SEL1L: variants seen among roughly 807,000 people sequenced by gnomAD.
The protein encoded by SEL1L is protein sel-1 homolog 1.
SEL1L carries 52 observed loss-of-function variants against 109.8 expected under a neutral mutation model. The ratio of observed to expected loss-of-function variants is 0.47; its 90% CI spans 0.38 to 0.60. The LOEUF (loss-of-function observed/expected upper bound fraction) is 0.60, where lower values mean the gene tolerates loss of function less well. SEL1L is among the 20% of genes least tolerant of loss of function. SEL1L has a pLI of 0.00. For synonymous variants in SEL1L, 373 were observed against 339.6 expected, an observed-to-expected ratio of 1.10 and a Z score of -1.08; for missense variants, 749 against 962.2, an observed-to-expected ratio of 0.78 and a Z score of 2.93.
intron 10 of SEL1L, among the ~76,000 whole-genome samples, chr14:81,496,216 CG>C (rs936936007): frequency 6.7e-6 from 1 of 150,020 alleles, no homozygotes. Flanking sequence ...CCCAGCTACT[CG>C]GGAGGCTGAG....
At chr14:81,495,241 T>C (rs529457416) in intron 10 of SEL1L, 104 bp from the exon 11 acceptor site, 1 of 1,002,416 alleles carries the variant, frequency 1.0e-6, no homozygotes, top group African/African-American at 1.6e-5. Flanking sequence ...CTTCTGTTCA[T>C]GACTCAAAAA....
At chr14:81,510,405 T>C (rs566068140) in intron 3 of SEL1L, among the ~76,000 whole-genome samples, 1 of 151,372 alleles carries the variant, frequency 6.6e-6, no homozygotes, top group South Asian at 2.1e-4. Context: ...AGATAAGATA[T>C]TACAGTATGC....
intron 14 of SEL1L, 26 bp downstream of exon 14, chr14:81,489,224 AAG>A: frequency 1.9e-6 from 3 of 1,600,506 alleles, no homozygotes; most frequent in Non-Finnish European, 2.6e-6. Context: ...CTGCTCATTA[AAG>A]AGAGAATGTC....
chr14:81,476,796 T>C lies in SEL1L; in HGVS notation c.*176A>G. On this transcript the variant is annotated 3_prime_UTR_variant, in exon 21 of 21. Transcript: ENST00000336735. ...CATTCAGCTCAGTTTAGGTAAGAGT[T>C]ACTTATCCCTGAAAATAAAGGCATC... 4.9e-6 allele frequency: 3 copies of C among 614,294 alleles called. No homozygotes were observed. The South Asian group carries it at 6.6e-5, about 14-fold the overall frequency. 38.1% of individuals were successfully genotyped at this position (614,294 alleles called of 1,614,324 possible). A position where few individuals can be genotyped will look rare whatever the true frequency, so the allele number is the denominator to read the frequency against.
intron 3 of SEL1L, among the ~76,000 whole-genome samples, chr14:81,519,165 C>G (rs1884817502): frequency 6.6e-6 from 1 of 152,202 alleles, no homozygotes; most frequent in Non-Finnish European, 1.5e-5. Flanking sequence ...GAAAACATTT[C>G]ACATGTGTTA....
intron 3 of SEL1L, among the ~76,000 whole-genome samples, chr14:81,507,841 T>C (rs1595523102): frequency 6.6e-6 from 1 of 152,150 alleles, no homozygotes; most frequent in Non-Finnish European, 1.5e-5. Flanking sequence ...GAGAATTTAA[T>C]TGGGTAGCAG....
chr14:81,475,660 G>GT lies in SEL1L; in HGVS notation c.*1311dup, dbSNP rs1030547609. ...GACAATAAAATGAAATACAAATTCAGTTTAAGCTTTAATTATTTCACGTGT... is the reference window on the plus strand; with the variant it reads ...GACAATAAAATGAAATACAAATTCAGTTTTAAGCTTTAATTATTTCACGTGT... On this transcript the variant is annotated 3_prime_UTR_variant, in exon 21 of 21. Transcript: ENST00000336735. 3 of 152,130 alleles carry GT rather than the reference G, an allele frequency of 2.0e-5. No homozygotes were observed. The highest frequency in any genetic ancestry group is 1.3e-4 in the Admixed American group (2 of 15,272). The allele number at this position is 152,130 out of a possible 1,614,324, so 9.4% of individuals were successfully genotyped here. A position where few individuals can be genotyped will look rare whatever the true frequency, so the allele number is the denominator to read the frequency against.
intron 19 of SEL1L, 71 bp from the exon 20 acceptor site, chr14:81,479,811 G>C: frequency 7.5e-6 from 10 of 1,334,784 alleles, no homozygotes; most frequent in Non-Finnish European, 1.0e-5. Flanking sequence ...GAACATATTA[G>C]ACGAATTTAT....
At chr14:81,503,321 C>T (rs1184794176) in intron 5 of SEL1L, among the ~76,000 whole-genome samples, 1 of 152,132 alleles carries the variant, frequency 6.6e-6, no homozygotes, top group Non-Finnish European at 1.5e-5. Flanking sequence ...ATTACTTATA[C>T]ATGTAAAAAA....
rs1043105458 is a variant in SEL1L, at chr14:81,471,860, A to T, written c.*5112T>A. 6.6e-6 allele frequency: 1 copy of T among 152,220 alleles called. No homozygotes were observed. 9.4% of individuals were successfully genotyped at this position (152,220 alleles called of 1,614,324 possible). ...TAAGTGACATGAGAAGGAACGTACA[A>T]AGCCCATTACACAGCAGTACCTCCT... is the stretch of plus-strand genomic sequence containing the variant. On this transcript the variant is annotated 3_prime_UTR_variant, in exon 21 of 21. Transcript: ENST00000336735.
chr14:81,533,671 T>C lies in SEL1L; in HGVS notation c.70+4A>G. 2 of 1,612,548 alleles carry C rather than the reference T, an allele frequency of 1.2e-6. No homozygotes were observed. Among genetic ancestry groups the C allele is most frequent in the Admixed American group, 1.7e-5 (1 of 59,954 alleles). On this transcript the variant is annotated splice_donor_region_variant and intron_variant, in intron 1 of 20. Coordinates refer to ENST00000336735, the MANE Select transcript of SEL1L (RefSeq NM_005065.6). The stretch of plus-strand genomic sequence containing the variant: ...GCCTTCAGCCCGAGGGGGCGGATAC[T>C]GACCCGAGGACGCCGAGGCCAAGCT...
rs1336140864 is a variant in SEL1L, at chr14:81,501,857, C to G, written c.777+864G>C. The stretch of plus-strand genomic sequence containing the variant: ...AAAATATTTTACTTGTATTCATCAG[C>G]CTTTAGCTGTGACATCCTATTGACA... On this transcript the variant is annotated intron_variant, in intron 6 of 20. Coordinates refer to ENST00000336735, the MANE Select transcript of SEL1L (RefSeq NM_005065.6). 3.3e-5 allele frequency among the ~76,000 whole-genome samples: 5 copies of G among 151,876 alleles called. No individual in the cohort carries two copies. The East Asian group carries it at 9.6e-4, about 29-fold the overall frequency.
intron 20 of SEL1L, among the ~76,000 whole-genome samples, chr14:81,477,761 C>T (rs1447241274): frequency 2.0e-5 from 3 of 152,000 alleles, no homozygotes; most frequent in Non-Finnish European, 4.4e-5. Context: ...TGCGGTGAGC[C>T]GAGACTGTGC....
At position 81,486,386 on chromosome 14, in the gene SEL1L, T is replaced by C. The variant is rs1322325317; in HGVS notation, c.1701A>G (p.Lys567=). 31 of 1,614,052 alleles carry C rather than the reference T, an allele frequency of 1.9e-5. No homozygotes were observed. Among genetic ancestry groups the C allele is most frequent in the Non-Finnish European group, 2.6e-5 (31 of 1,180,016 alleles). The part of the protein sequence containing the change: ...ERLMTAYNSY[K]DGDYNAAVIQ... ...TCACTGCAGCATTGTAATCGCCATC[T>C]TTATAGCTGTTATAGGCAGTCATAA... Residue 567 remains lysine, a synonymous_variant, in exon 17 of 21, where the codon AAA becomes AAG. Transcript: ENST00000336735.
At chr14:81,489,710 G>C (rs933237674) in intron 13 of SEL1L, among the ~76,000 whole-genome samples, 1 of 152,150 alleles carries the variant, frequency 6.6e-6, no homozygotes, top group Non-Finnish European at 1.5e-5. Flanking sequence ...GGAACACCTT[G>C]TAATAATAGC....
intron 3 of SEL1L, 84 bp from the exon 4 acceptor site, chr14:81,506,325 G>T: frequency 1.6e-6 from 2 of 1,232,236 alleles, no homozygotes; most frequent in East Asian, 2.7e-5. Context: ...TTGGCTGTTG[G>T]AATTTGAAGC....
intron 3 of SEL1L, among the ~76,000 whole-genome samples, chr14:81,513,587 T>C (rs938496589): frequency 9.2e-5 from 14 of 152,128 alleles, no homozygotes; most frequent in Admixed American, 2.6e-4. Flanking sequence ...GAAGGGACAA[T>C]CAGCAAGCAG....
chr14:81,475,950 T>C lies in SEL1L; in HGVS notation c.*1022A>G, dbSNP rs772545663. The C allele has an allele frequency of 2.6e-5, 4 of 152,204 alleles. No homozygotes were observed. Among genetic ancestry groups the C allele is most frequent in the Non-Finnish European group, 4.4e-5 (3 of 68,048 alleles). 9.4% of individuals were successfully genotyped at this position (152,204 alleles called of 1,614,324 possible). A position where few individuals can be genotyped will look rare whatever the true frequency, so the allele number is the denominator to read the frequency against. On this transcript the variant is annotated 3_prime_UTR_variant, in exon 21 of 21. Coordinates refer to ENST00000336735, the MANE Select transcript of SEL1L (RefSeq NM_005065.6). ...TCTCTGAGTTTTAGTATTATAATAG[T>C]AGTCACTGTAAGCCATACCCTGGCA...
intron 3 of SEL1L, among the ~76,000 whole-genome samples, chr14:81,524,122 A>C (rs1885023809): frequency 6.6e-6 from 1 of 152,182 alleles, no homozygotes; most frequent in South Asian, 2.1e-4. Context: ...AAAGAATCCC[A>C]GGTAACAAAT....
Sources: allele counts gnomAD v4.1 joint callset (sites outside exome capture counted in the v4.1 genomes callset), GRCh38; gene constraint gnomAD v4.1.1; transcripts MANE v1.5; gene names NCBI Gene and HGNC (gene_info 2026-07-23, HGNC 2026-07-21).